PROSER2: variants seen among roughly 807,000 people sequenced by gnomAD.
PROSER2 encodes the protein proline and serine-rich protein 2.
In PROSER2, 18 loss-of-function variants were observed where a neutral mutation model predicts 14.6. The observed-to-expected ratio is 1.23, with a 90% confidence interval of 0.85 to 1.83. The LOEUF is 1.83. Among genes scored for constraint, PROSER2 ranks in the 40% most tolerant of loss-of-function variants. PROSER2 has a pLI of 0.00. For missense variants in PROSER2, 823 were observed against 629.8 expected, an observed-to-expected ratio of 1.31 and a Z score of -3.28; for synonymous variants, 367 against 286.4, an observed-to-expected ratio of 1.28 and a Z score of -2.84.
chr10:11,839,548 T>TAG lies in PROSER2; in HGVS notation c.-81-12449_-81-12448insAG, dbSNP rs879372839. ...TGCTACTTTATAATAACTCCTTGGC[T>TAG]GGGCGCGGTGGCTCACGCCTGTACT... On this transcript the variant is annotated intron_variant, in intron 1 of 3. Coordinates refer to ENST00000277570, the MANE Select transcript of PROSER2 (RefSeq NM_153256.4). Among the ~76,000 whole-genome samples, 920 of 152,292 alleles carry TAG rather than the reference T, an allele frequency of 6.0e-3. 2 individuals are homozygous for TAG. The highest frequency in any genetic ancestry group is 0.01 in the Non-Finnish European group (694 of 67,992).
chr10:11,863,322 T>C (rs1417156880), intron 2 of PROSER2, among the ~76,000 whole-genome samples: 1 of 152,038 alleles, frequency 6.6e-6, no homozygotes, highest in African/African-American at 2.4e-5. Flanking sequence ...CAGATCACAG[T>C]GTGGAAAGCA....
At chr10:11,857,272 A>G (rs1291779799) in intron 2 of PROSER2, 2 of 152,214 alleles carry the variant, frequency 1.3e-5, no homozygotes, top group African/African-American at 4.8e-5. Flanking sequence ...TACCTGTTTA[A>G]AGACACTGAA....
chr10:11,835,704 A>G (rs879283403), intron 1 of PROSER2, among the ~76,000 whole-genome samples: 2 of 152,210 alleles, frequency 1.3e-5, no homozygotes, highest in Admixed American at 6.5e-5. Flanking sequence ...AAACTATGAA[A>G]AAACAGGACT....
Position 11,866,528 on chromosome 10 carries a change from T to C in PROSER2, c.139-3T>C. On this transcript the variant is annotated splice_region_variant and splice_polypyrimidine_tract_variant and intron_variant, in intron 2 of 3. Transcript: ENST00000277570. This position sits in a 1 kb window ranked among gnomAD's most constrained non-coding sequence, Gnocchi z 6.0. ...TCTTCTGTTCCCAATCCCTGTACTC[T>C]AGGATGATGAGAGCCTGAAGTACCT... 6.2e-7 allele frequency: 1 copy of C among 1,614,018 alleles called. No homozygotes were observed. Among genetic ancestry groups the C allele is most frequent in the Non-Finnish European group, 8.5e-7 (1 of 1,179,946 alleles).
intron 1 of PROSER2, among the ~76,000 whole-genome samples, chr10:11,824,479 C>T (rs1833584009): frequency 1.3e-5 from 2 of 152,150 alleles, no homozygotes; most frequent in South Asian, 4.1e-4. Context: ...CCCCAGCATG[C>T]ACTAAAAAGT....
intron 1 of PROSER2, among the ~76,000 whole-genome samples, chr10:11,846,060 C>T (rs1340876209): frequency 6.6e-6 from 1 of 152,168 alleles, no homozygotes; most frequent in Non-Finnish European, 1.5e-5. Flanking sequence ...GATCTCGGCT[C>T]ACTGCATCCT....
rs1427333293 is a variant in PROSER2, at chr10:11,837,594, T to C, written c.-82+14124T>C. Among the ~76,000 whole-genome samples the C allele has an allele frequency of 6.6e-6, 1 of 152,232 alleles. No individual in the cohort carries two copies. The highest frequency in any genetic ancestry group is 1.5e-5 in the Non-Finnish European group (1 of 68,046). ...AATGAGTTGCGTAACATAGACATAC[T>C]AAGCAAGATTGGTTCTACATCACTT... On this transcript the variant is annotated intron_variant, in intron 1 of 3. Coordinates refer to ENST00000277570, the MANE Select transcript of PROSER2 (RefSeq NM_153256.4). The surrounding 1 kb of genome is among the most constrained non-coding windows in gnomAD (Gnocchi z 4.6).
intron 3 of PROSER2, among the ~76,000 whole-genome samples, chr10:11,868,037 C>T (rs1834390153): frequency 1.3e-5 from 2 of 152,194 alleles, no homozygotes; most frequent in African/African-American, 4.8e-5. Context: ...CAGAACTTCA[C>T]ATACTACGGT....
Position 11,866,410 on chromosome 10 carries a change from C to T in PROSER2, c.139-121C>T. 1 of 1,209,478 alleles carries T rather than the reference C, an allele frequency of 8.3e-7. No homozygotes were observed. The highest frequency in any genetic ancestry group is 1.2e-6 in the Non-Finnish European group (1 of 850,162). 74.9% of individuals were successfully genotyped at this position (1,209,478 alleles called of 1,614,324 possible). On this transcript the variant is annotated intron_variant, in intron 2 of 3. Transcript: ENST00000277570. This position sits in a 1 kb window ranked among gnomAD's most constrained non-coding sequence, Gnocchi z 6.0. The stretch of plus-strand genomic sequence containing the variant: ...CGCAGGCACTGTGTGGCAGGGTACT[C>T]TCGGGACACAGTGAGTTCCGCCCTG...
intron 2 of PROSER2, chr10:11,863,063 C>T (rs1479054901): frequency 6.6e-6 from 1 of 152,214 alleles, no homozygotes; most frequent in Non-Finnish European, 1.5e-5. Context: ...CTTATCTTCC[C>T]TAGCAATGTT....
Position 11,869,785 on chromosome 10 carries a change from C to T in PROSER2, c.687C>T (p.Ala229=), listed in dbSNP as rs1834431507. 9.6e-6 allele frequency: 15 copies of T among 1,555,654 alleles called. No homozygotes were observed. The highest frequency in any genetic ancestry group is 1.3e-5 in the Non-Finnish European group (15 of 1,152,306). Residue 229 remains alanine (A), a synonymous_variant, in exon 4 of 4, where the codon GCC becomes GCT. Coordinates refer to ENST00000277570, the MANE Select transcript of PROSER2 (RefSeq NM_153256.4). The surrounding 1 kb of genome is among the most constrained non-coding windows in gnomAD (Gnocchi z 4.4). ...GGCCCGGGGAGTGGAGGACACCTGC[C>T]GCCCGGGGGCCCCGCAGTGGAGACC... is the stretch of plus-strand genomic sequence containing the variant. ...EGRPGEWRTP[A]ARGPRSGDPG...
In PROSER2 at chr10:11,869,881, C is replaced by A. The variant is rs764444891; in HGVS notation, c.783C>A (p.Asn261Lys). ...TCCCCAGCAACATCATCGTCACCAA[C>A]GGCGCGGCCCGGGAGCCCCGCAGGA... The part of the protein sequence containing the change: ...PRFPSNIIVT[N>K]GAAREPRRTL... Residue 261 changes from asparagine (N) to lysine (K), a missense_variant, in exon 4 of 4, where the codon AAC becomes AAA. Coordinates refer to ENST00000277570, the MANE Select transcript of PROSER2 (RefSeq NM_153256.4). This position sits in a 1 kb window ranked among gnomAD's most constrained non-coding sequence, Gnocchi z 4.4. The A allele has an allele frequency of 1.9e-5, 31 of 1,591,388 alleles. No homozygotes were observed. Among genetic ancestry groups the A allele is most frequent in the African/African-American group, 2.7e-5 (2 of 74,268 alleles).
rs528296741 is a variant in PROSER2, at chr10:11,837,820, G to A, written c.-81-14177G>A. Among the ~76,000 whole-genome samples, 82 of 152,304 alleles carry A rather than the reference G, an allele frequency of 5.4e-4. No individual in the cohort carries two copies. Among genetic ancestry groups the A allele is most frequent in the Non-Finnish European group, 5.9e-4 (40 of 68,026 alleles). The stretch of plus-strand genomic sequence containing the variant: ...GTTCCAGCTTAGATTCTTCAGTAAA[G>A]TGCGTTGGGTTAACCGTTCCCTGGT... On this transcript the variant is annotated intron_variant, in intron 1 of 3. Coordinates refer to ENST00000277570, the MANE Select transcript of PROSER2 (RefSeq NM_153256.4). This position sits in a 1 kb window ranked among gnomAD's most constrained non-coding sequence, Gnocchi z 4.6.
chr10:11,842,163 A>G (rs140684720), intron 1 of PROSER2, among the ~76,000 whole-genome samples: 5 of 151,942 alleles, frequency 3.3e-5, no homozygotes, highest in African/African-American at 7.2e-5. Flanking sequence ...TGGAGGTTGT[A>G]GTGAGCTGAG....
In PROSER2 at chr10:11,869,572, T is replaced by A. The variant is rs772785592; in HGVS notation, c.474T>A (p.Leu158=). 3.1e-6 allele frequency: 5 copies of A among 1,611,764 alleles called. No homozygotes were observed. Among genetic ancestry groups the A allele is most frequent in the Non-Finnish European group, 4.2e-6 (5 of 1,178,246 alleles). Residue 158 remains leucine (L), a synonymous_variant, in exon 4 of 4, where the codon CTT becomes CTA. Transcript: ENST00000277570. This position sits in a 1 kb window ranked among gnomAD's most constrained non-coding sequence, Gnocchi z 4.4. ...CAGACCCCCCGGCTCCCGAGACCCT[T>A]CTTGCGCCACCACCCCTGCCTAGCA... ...PPPDPPAPET[L]LAPPPLPSTP...
chr10:11,841,704 GATTTC>G (rs1833848173), intron 1 of PROSER2, among the ~76,000 whole-genome samples: 1 of 152,040 alleles, frequency 6.6e-6, no homozygotes, highest in Non-Finnish European at 1.5e-5. Flanking sequence ...TTAGTCTATT[GATTTC>G]TAATTTAATT....
In PROSER2 at chr10:11,869,418, C is replaced by T; in HGVS notation, c.392-72C>T. 1.7e-6 allele frequency: 2 copies of T among 1,179,358 alleles called. No individual in the cohort carries two copies. The highest frequency in any genetic ancestry group is 2.5e-6 in the Non-Finnish European group (2 of 793,562). 73.1% of individuals were successfully genotyped at this position (1,179,358 alleles called of 1,614,324 possible). On this transcript the variant is annotated intron_variant, in intron 3 of 3. Coordinates refer to ENST00000277570, the MANE Select transcript of PROSER2 (RefSeq NM_153256.4). This position sits in a 1 kb window ranked among gnomAD's most constrained non-coding sequence, Gnocchi z 4.4. ...GTCCAGGTTGAGGCTCTTTTCAGTT[C>T]AGCGAGAGGGAACTTCATGCATTTA...
chr10:11,866,504 CT>C lies in PROSER2; in HGVS notation c.139-25del, dbSNP rs768185900. ...AGTGAAGCCAGTGTTTGTTTTCTCTCTTCTGTTCCCAATCCCTGTACTCTAG... is the reference window on the plus strand; with the variant it reads ...AGTGAAGCCAGTGTTTGTTTTCTCTCTCTGTTCCCAATCCCTGTACTCTAG... On this transcript the variant is annotated intron_variant, in intron 2 of 3. Coordinates refer to ENST00000277570, the MANE Select transcript of PROSER2 (RefSeq NM_153256.4). This position sits in a 1 kb window ranked among gnomAD's most constrained non-coding sequence, Gnocchi z 6.0. 54 of 1,610,992 alleles carry C rather than the reference CT, an allele frequency of 3.4e-5. No individual in the cohort carries two copies. The highest frequency in any genetic ancestry group is 4.0e-5 in the Non-Finnish European group (47 of 1,178,254).
chr10:11,869,304 A>G lies in PROSER2; in HGVS notation c.392-186A>G, dbSNP rs1564315621. ...TGTCCCTTATCAGCGTGAGGTCATGAGCATGACATACCACCTTCTCCTTCC... is the reference window on the plus strand; with the variant it reads ...TGTCCCTTATCAGCGTGAGGTCATGGGCATGACATACCACCTTCTCCTTCC... On this transcript the variant is annotated intron_variant, in intron 3 of 3. Coordinates refer to ENST00000277570, the MANE Select transcript of PROSER2 (RefSeq NM_153256.4). The surrounding 1 kb of genome is among the most constrained non-coding windows in gnomAD (Gnocchi z 4.4). The G allele has an allele frequency of 3.3e-6, 2 of 613,320 alleles. No homozygotes were observed. Among genetic ancestry groups the G allele is most frequent in the Non-Finnish European group, 5.8e-6 (2 of 342,576 alleles). 38.0% of individuals were successfully genotyped at this position (613,320 alleles called of 1,614,324 possible).
Sources: gnomAD v4.1 joint callset for allele counts (sites outside exome capture counted in the v4.1 genomes callset) on GRCh38, gnomAD v4.1.1 for gene constraint, Gnocchi (gnomAD v3.1) non-coding constraint, MANE v1.5 for transcripts, NCBI Gene and HGNC (gene_info 2026-07-23, HGNC 2026-07-21) for gene names.